Variants in PLEKHM3 observed in about 807,000 individuals in gnomAD.
PLEKHM3 encodes the protein pleckstrin homology domain-containing family M member 3.
In PLEKHM3, 45 loss-of-function variants were observed where a neutral mutation model predicts 81.8. That is an observed-to-expected ratio of 0.55 (90% confidence interval 0.43 to 0.71). PLEKHM3 has a LOEUF of 0.71. PLEKHM3 is among the 30% of genes least tolerant of loss of function. The pLI, the probability that PLEKHM3 is intolerant of heterozygous loss-of-function variation, is 0.00. For synonymous variants in PLEKHM3, 352 were observed against 356.4 expected (o/e 0.99, Z 0.14); for missense variants, 788 against 924.3 (o/e 0.85, Z 1.91).
intron 7 of PLEKHM3, among the ~76,000 whole-genome samples, chr2:207,856,037 T>A (rs1407321018): frequency 6.6e-6 from 1 of 152,226 alleles, no homozygotes; most frequent in Non-Finnish European, 1.5e-5. Context: ...ATGGGAACTC[T>A]GTACTATTTC....
At chr2:207,980,209 T>C (rs1305777342) in intron 2 of PLEKHM3, among the ~76,000 whole-genome samples, 1 of 152,190 alleles carries the variant, frequency 6.6e-6, no homozygotes, top group Non-Finnish European at 1.5e-5. Context: ...CCCCTCTTCT[T>C]ATCTCCCTGT....
Position 207,871,449 on chromosome 2 carries a change from A to T in PLEKHM3, c.1951-10187T>A, listed in dbSNP as rs545104030. On this transcript the variant is annotated intron_variant, in intron 6 of 7. Coordinates refer to ENST00000427836, the MANE Select transcript of PLEKHM3 (RefSeq NM_001080475.3). ...ACTATGTGATAGTTTAATCTGGTTTAATGCAATTGGGTAGATTTATGAGTG... is the reference window on the plus strand; with the variant it reads ...ACTATGTGATAGTTTAATCTGGTTTTATGCAATTGGGTAGATTTATGAGTG... Among the ~76,000 whole-genome samples, 4 of 152,318 alleles carry T rather than the reference A, an allele frequency of 2.6e-5. No individual in the cohort carries two copies. In the South Asian group the frequency reaches 6.2e-4, roughly 24 times the overall value.
chr2:207,930,949 C>G lies in PLEKHM3; in HGVS notation c.1863G>C (p.Ala621=). ...ACCTGCGGCGGAGATCCTCTGCCACCGCTGCCCGGCAGCTGAACAAATAGG... is the reference window on the plus strand; with the variant it reads ...ACCTGCGGCGGAGATCCTCTGCCACGGCTGCCCGGCAGCTGAACAAATAGG... ...LRAYLFSCRA[A]VAEDLRRRIF... Residue 621 remains alanine (A), a synonymous_variant, in exon 5 of 8, where the codon GCG becomes GCC. Transcript: ENST00000427836. 6.2e-7 allele frequency: 1 copy of G among 1,613,302 alleles called. No homozygotes were observed. Among genetic ancestry groups the G allele is most frequent in the South Asian group, 1.1e-5 (1 of 91,046 alleles).
At chr2:207,964,499 G>A (rs1338462837) in intron 3 of PLEKHM3, among the ~76,000 whole-genome samples, 1 of 152,156 alleles carries the variant, frequency 6.6e-6, no homozygotes, top group Non-Finnish European at 1.5e-5. Context: ...GAGAGTGGAG[G>A]GAGGGAGGCT....
At chr2:207,915,895 C>T (rs979356904) in intron 5 of PLEKHM3, among the ~76,000 whole-genome samples, 3 of 152,002 alleles carry the variant, frequency 2.0e-5, no homozygotes, top group African/African-American at 7.3e-5. Context: ...GCACATATAC[C>T]CACACTGAAA....
chr2:208,015,093 TAACGTATGTTAA>T (rs1692853333), intron 1 of PLEKHM3, among the ~76,000 whole-genome samples: 1 of 152,004 alleles, frequency 6.6e-6, no homozygotes, highest in African/African-American at 2.4e-5. Flanking sequence ...ACTTACTACT[TAACGTATGTTAA>T]GCCTTTTACT....
chr2:207,912,729 A>G (rs1688848175), intron 5 of PLEKHM3, among the ~76,000 whole-genome samples: 1 of 152,222 alleles, frequency 6.6e-6, no homozygotes, highest in Non-Finnish European at 1.5e-5. Flanking sequence ...TAAATAAAAT[A>G]AGAAAAAGAT....
intron 7 of PLEKHM3, among the ~76,000 whole-genome samples, chr2:207,833,111 C>CAAAAAAAAAAAAAAAAAA (rs71036960): frequency 1.3e-5 from 1 of 76,872 alleles, no homozygotes; most frequent in African/African-American, 5.2e-5. Context: ...GACACCATCT[C>CAAAAAAAAAAAAAAAAAA]AAAAAAAAAA....
intron 1 of PLEKHM3, among the ~76,000 whole-genome samples, chr2:208,008,028 G>A (rs914663775): frequency 6.6e-6 from 1 of 152,116 alleles, no homozygotes. Context: ...ACTCCAGCCT[G>A]GGCGACAGAG....
At chr2:207,943,408 A>G (rs1389858808) in intron 4 of PLEKHM3, among the ~76,000 whole-genome samples, 2 of 152,214 alleles carry the variant, frequency 1.3e-5, no homozygotes, top group Admixed American at 1.3e-4. Context: ...TGGCAGAAGG[A>G]TCAGAAAAGC....
At chr2:207,850,266 T>C (rs1307773797) in intron 7 of PLEKHM3, among the ~76,000 whole-genome samples, 1 of 152,162 alleles carries the variant, frequency 6.6e-6, no homozygotes, top group Non-Finnish European at 1.5e-5. Context: ...CACACCATAT[T>C]CAAACCATAG....
intron 3 of PLEKHM3, among the ~76,000 whole-genome samples, chr2:207,969,871 T>C (rs11895970): frequency 0.054 from 8,280 of 152,264 alleles, 725 homozygotes; most frequent in African/African-American, 0.19. Flanking sequence ...ATGTTATTAG[T>C]ACATAGATTT....
In PLEKHM3 at chr2:208,001,702, C is replaced by G; in HGVS notation, c.-63G>C. 6.5e-7 allele frequency: 1 copy of G among 1,545,540 alleles called. No homozygotes were observed. The highest frequency in any genetic ancestry group is 2.1e-5 in the Admixed American group (1 of 48,216). On this transcript the variant is annotated 5_prime_UTR_variant, in exon 2 of 8. An upstream open reading frame in the 5' UTR loses its in-frame stop. Transcript: ENST00000427836. ...TTCCAGAAATGGCTTCATGAACATT[C>G]ACCCAACCAAGAGGGGTGCTTCAGC... is the stretch of plus-strand genomic sequence containing the variant.
At chr2:207,873,417 T>C (rs981200390) in intron 6 of PLEKHM3, among the ~76,000 whole-genome samples, 12 of 152,190 alleles carry the variant, frequency 7.9e-5, no homozygotes, top group Non-Finnish European at 1.6e-4. Flanking sequence ...AACTAGATGA[T>C]CAATAGGGAT....
chr2:207,850,885 T>G (rs138005048), intron 7 of PLEKHM3, among the ~76,000 whole-genome samples: 1 of 152,332 alleles, frequency 6.6e-6, no homozygotes, highest in African/African-American at 2.4e-5. Flanking sequence ...CCAGGCACAG[T>G]GGCTCACGCC....
At chr2:207,882,410 G>A (rs1309364323) in intron 6 of PLEKHM3, among the ~76,000 whole-genome samples, 5 of 151,980 alleles carry the variant, frequency 3.3e-5, no homozygotes, top group African/African-American at 1.2e-4. Flanking sequence ...TCAGGAGTTC[G>A]AGACCAGCCT....
At chr2:207,847,433 A>T (rs2092389900) in intron 7 of PLEKHM3, among the ~76,000 whole-genome samples, 1 of 152,238 alleles carries the variant, frequency 6.6e-6, no homozygotes. Context: ...CACAATAAAC[A>T]CATTTAAGAG....
At chr2:207,971,496 A>G (rs928915496) in intron 3 of PLEKHM3, among the ~76,000 whole-genome samples, 1 of 152,042 alleles carries the variant, frequency 6.6e-6, no homozygotes, top group Non-Finnish European at 1.5e-5. Flanking sequence ...ATCACTATAC[A>G]TATGTATTGC....
At chr2:207,938,075 G>T (rs1354329382) in intron 4 of PLEKHM3, among the ~76,000 whole-genome samples, 1 of 152,174 alleles carries the variant, frequency 6.6e-6, no homozygotes, top group African/African-American at 2.4e-5. Context: ...AAAACCCCTA[G>T]CTAAATGGAA....
Sources: allele counts gnomAD v4.1 joint callset (sites outside exome capture counted in the v4.1 genomes callset), GRCh38; gene constraint gnomAD v4.1.1; transcripts MANE v1.5; gene names NCBI Gene and HGNC (gene_info 2026-07-23, HGNC 2026-07-21).